Variants in RTL1 observed in about 807,000 individuals in gnomAD.
RTL1 encodes the protein retrotransposon Gag like 1, also known as retrotransposon-like protein 1.
For missense variants in RTL1, 1,681 were observed against 1,767.5 expected, an observed-to-expected ratio of 0.95 and a Z score of 0.88; for synonymous variants, 727 against 748.4, an observed-to-expected ratio of 0.97 and a Z score of 0.47.
rs973452588 is a variant in RTL1, at chr14:100,893,148, G to C, written c.-87+296C>G. On this transcript the variant is annotated intron_variant, in intron 3 of 3. Coordinates refer to ENST00000649591, the MANE Select transcript of RTL1 (RefSeq NM_001134888.3). This position sits in a 1 kb window ranked among gnomAD's most constrained non-coding sequence, Gnocchi z 4.2. ...CCAGACCACAAGAGTGGGGGTCTCAGTGTCTGCCTCCATCTCCCCCAAAGG... is the reference window on the plus strand; with the variant it reads ...CCAGACCACAAGAGTGGGGGTCTCACTGTCTGCCTCCATCTCCCCCAAAGG... Among the ~76,000 whole-genome samples, 1 of 152,190 alleles carries C rather than the reference G, an allele frequency of 6.6e-6. No homozygotes were observed. The highest frequency in any genetic ancestry group is 1.5e-5 in the Non-Finnish European group (1 of 68,036).
At position 100,881,251 on chromosome 14, in the gene RTL1, A is replaced by G. The variant is rs199947359; in HGVS notation, c.3538T>C (p.Ser1180Pro). 7.5e-4 allele frequency: 1,158 copies of G among 1,549,640 alleles called. 5 individuals carry two copies. The highest frequency in any genetic ancestry group is 4.8e-3 in the Admixed American group (244 of 50,940). ...PGRWQRNALH[S>P]QAHRGLQFTP... ...AACTGCAGGCCTCGGTGGGCCTGGG[A>G]GTGCAGAGCATTTCGCTGCCAGCGG... is the stretch of plus-strand genomic sequence containing the variant. Residue 1180 changes from serine to proline, a missense_variant, in exon 4 of 4, where the codon TCC (serine) becomes CCC (proline). By Grantham distance (74) the Ser-to-Pro change is moderately conservative. Coordinates refer to ENST00000649591, the MANE Select transcript of RTL1 (RefSeq NM_001134888.3). This position sits in a 1 kb window ranked among gnomAD's most constrained non-coding sequence, Gnocchi z 6.6.
At chr14:100,896,094 A>G (rs1024884634) in intron 2 of RTL1, among the ~76,000 whole-genome samples, 3 of 152,044 alleles carry the variant, frequency 2.0e-5, no homozygotes, top group Non-Finnish European at 4.4e-5. Flanking sequence ...AGAAAGAAAA[A>G]TTGCAAAACT....
At chr14:100,900,023 C>G (rs529888438) in intron 2 of RTL1, among the ~76,000 whole-genome samples, 35 of 152,336 alleles carry the variant, frequency 2.3e-4, no homozygotes, top group African/African-American at 8.2e-4. Context: ...TCTTGAACAC[C>G]TGGGGGCCGG....
In RTL1 at chr14:100,882,438, G is replaced by C. The variant is rs567941219; in HGVS notation, c.2351C>G (p.Pro784Arg). 5 of 1,552,040 alleles carry C rather than the reference G, an allele frequency of 3.2e-6. No individual in the cohort carries two copies. The highest frequency in any genetic ancestry group is 1.2e-5 in the South Asian group (1 of 84,064). The change falls in exon 4 of 4, where the codon CCC (proline) becomes CGC (arginine). Residue 784 changes from proline (P) to arginine (R), a missense_variant. Transcript: ENST00000649591. ...TVEFLGFVVTPKGVKLNKNVM... is the reference protein window; with the variant it reads ...TVEFLGFVVTRKGVKLNKNVM... ...GTTCTTGTTCAGTTTCACCCCTTTG[G>C]GGGTGACGACGAAGCCCAGGAATTC... is the stretch of plus-strand genomic sequence containing the variant.
intron 2 of RTL1, among the ~76,000 whole-genome samples, chr14:100,896,376 T>C (rs1321506430): frequency 6.6e-6 from 1 of 152,174 alleles, no homozygotes; most frequent in African/African-American, 2.4e-5. Context: ...ATTAGTGATC[T>C]GTGCGGATGG....
At chr14:100,899,280 G>T (rs1318393424) in intron 2 of RTL1, among the ~76,000 whole-genome samples, 1 of 152,204 alleles carries the variant, frequency 6.6e-6, no homozygotes, top group Non-Finnish European at 1.5e-5. Flanking sequence ...ATGAGGTTCG[G>T]GGTATGATTA....
chr14:100,897,080 C>T (rs2140055433), intron 2 of RTL1, among the ~76,000 whole-genome samples: 1 of 152,302 alleles, frequency 6.6e-6, no homozygotes, highest in East Asian at 1.9e-4. Flanking sequence ...TGGGCACACA[C>T]CTGCCAGCCC....
intron 2 of RTL1, among the ~76,000 whole-genome samples, chr14:100,896,845 C>T (rs115793940): frequency 2.9e-4 from 44 of 152,324 alleles, no homozygotes; most frequent in African/African-American, 9.6e-4. Flanking sequence ...AGGCTGCGAA[C>T]GCGAGCCGCC....
intron 3 of RTL1, among the ~76,000 whole-genome samples, chr14:100,885,661 C>G (rs2038688101): frequency 6.6e-6 from 1 of 151,986 alleles, no homozygotes; most frequent in African/African-American, 2.4e-5. Flanking sequence ...GCTATGTTCT[C>G]CCGACCTCTG....
intron 2 of RTL1, among the ~76,000 whole-genome samples, chr14:100,896,355 C>A (rs774619301): frequency 6.6e-6 from 1 of 152,072 alleles, no homozygotes; most frequent in Non-Finnish European, 1.5e-5. Flanking sequence ...AGACATTTAA[C>A]CAATTAACCA....
intron 2 of RTL1, chr14:100,895,007 C>G (rs1026635955): frequency 1.8e-4 from 28 of 152,354 alleles, no homozygotes; most frequent in African/African-American, 6.7e-4. Flanking sequence ...TTGAAGAAGA[C>G]CAGCCTTCCA....
At chr14:100,894,339 A>G (rs1297117593) in intron 2 of RTL1, among the ~76,000 whole-genome samples, 8 of 150,266 alleles carry the variant, frequency 5.3e-5, no homozygotes, top group Non-Finnish European at 1.2e-4. Context: ...AAAAAAAAGA[A>G]AAGAAAAAAA....
intron 2 of RTL1, among the ~76,000 whole-genome samples, chr14:100,901,092 G>A (rs2038935684): frequency 1.3e-5 from 2 of 152,206 alleles, no homozygotes; most frequent in African/African-American, 4.8e-5. Flanking sequence ...GAGCAGCTGT[G>A]GCGACCCCAG....
chr14:100,886,207 C>T (rs2038695645), intron 3 of RTL1, among the ~76,000 whole-genome samples: 1 of 148,248 alleles, frequency 6.7e-6, no homozygotes. Context: ...GCCACTGGAC[C>T]CATCCGTAAA....
Position 100,881,169 on chromosome 14 carries a change from TG to T in RTL1, c.3619del (p.Gln1207ArgfsTer77). 1.3e-6 allele frequency: 2 copies of T among 1,542,022 alleles called. No individual in the cohort carries two copies. Among genetic ancestry groups the T allele is most frequent in the Non-Finnish European group, 1.8e-6 (2 of 1,142,116 alleles). ...CEFFGVRVTP[Q>X]EGHLPALRQN... is the part of the protein sequence containing the mutation. Reference sequence around the variant, plus strand: ...ACGCAGGGCAGGGAGGTGGCCCTCCTGGGGGGTGACTCTGACACCGAAGAAC... The same window carrying T: ...ACGCAGGGCAGGGAGGTGGCCCTCCTGGGGGTGACTCTGACACCGAAGAAC... On this transcript the variant is annotated frameshift_variant, in exon 4 of 4. Transcript: ENST00000649591. LOFTEE classifies it low-confidence loss of function (END_TRUNC). The surrounding 1 kb of genome is among the most constrained non-coding windows in gnomAD (Gnocchi z 6.6).
intron 3 of RTL1, among the ~76,000 whole-genome samples, chr14:100,890,064 C>T (rs1446248782): frequency 1.3e-4 from 15 of 115,980 alleles, no homozygotes; most frequent in East Asian, 9.1e-4. Flanking sequence ...TGAAAATTCC[C>T]GCCTTATTTG....
Position 100,884,800 on chromosome 14 carries a change from G to T in RTL1, c.-12C>A, listed in dbSNP as rs1374621790. The T allele has an allele frequency of 6.5e-7, 1 of 1,548,508 alleles. No homozygotes were observed. Among genetic ancestry groups the T allele is most frequent in the Non-Finnish European group, 8.7e-7 (1 of 1,147,524 alleles). On this transcript the variant is annotated 5_prime_UTR_variant, in exon 4 of 4. Coordinates refer to ENST00000649591, the MANE Select transcript of RTL1 (RefSeq NM_001134888.3). ...GAGGGTTCTATCATTTCGTCGGATG[G>T]AAAGGAGTGTATTCTGAAGATTGGT...
rs1369341649 is a variant in RTL1 at position 100,883,728 on chromosome 14, A to T, written c.1061T>A (p.Ile354Asn). 1 of 1,551,460 alleles carries T rather than the reference A, an allele frequency of 6.4e-7. No individual in the cohort carries two copies. Among genetic ancestry groups the T allele is most frequent in the Non-Finnish European group, 8.7e-7 (1 of 1,146,988 alleles). ...PDSLDSLIVL[I>N]LQIEEKLAER... ...TGCCAGCTTCTCTTCTATTTGCAGG[A>T]TGAGCACAATCAGACTGTCTAGGGA... Residue 354 changes from isoleucine (I) to asparagine (N), a missense_variant, in exon 4 of 4, where the codon ATC becomes AAC. Physicochemically the swap from Ile to Asn is moderately radical, Grantham distance 149 (BLOSUM62 -3). Transcript: ENST00000649591. This position sits in a 1 kb window ranked among gnomAD's most constrained non-coding sequence, Gnocchi z 5.9.
intron 3 of RTL1, among the ~76,000 whole-genome samples, chr14:100,887,464 T>C (rs2038710099): frequency 6.6e-6 from 1 of 152,294 alleles, no homozygotes; most frequent in African/African-American, 2.4e-5. Context: ...CTTAAAAATC[T>C]CTTAATGAGC....
Sources: allele counts gnomAD v4.1 joint callset (sites outside exome capture counted in the v4.1 genomes callset), GRCh38; gene constraint gnomAD v4.1.1; non-coding constraint Gnocchi (gnomAD v3.1); transcripts MANE v1.5; gene names NCBI Gene and HGNC (gene_info 2026-07-23, HGNC 2026-07-21).